The following NEK7 variants were observed in gnomAD, a reference collection of about 807,000 sequenced individuals.
The protein encoded by NEK7 is serine/threonine-protein kinase Nek7.
NEK7 carries 18 observed loss-of-function variants against 44.6 expected under a neutral mutation model. The observed-to-expected ratio is 0.40, with a 90% confidence interval of 0.28 to 0.60. The LOEUF is 0.60. Among genes scored for constraint, NEK7 ranks in the 20% least tolerant of loss-of-function variants. The pLI, the probability that NEK7 is intolerant of heterozygous loss-of-function variation, is 0.38. For synonymous variants in NEK7, 130 were observed against 121.1 expected, an observed-to-expected ratio of 1.07 and a Z score of -0.48; for missense variants, 256 against 366.5, an observed-to-expected ratio of 0.70 and a Z score of 2.46.
intron 9 of NEK7, among the ~76,000 whole-genome samples, chr1:198,305,757 G>A (rs1655006028): frequency 2.0e-5 from 3 of 152,128 alleles, no homozygotes; most frequent in African/African-American, 7.2e-5. Context: ...GAACTCGAGA[G>A]AAAATTTTTT....
At chr1:198,208,815 T>C (rs1177857113) in intron 1 of NEK7, among the ~76,000 whole-genome samples, 2 of 152,124 alleles carry the variant, frequency 1.3e-5, no homozygotes, top group African/African-American at 2.4e-5. Context: ...AACTCTAGAC[T>C]ACAATTTCTG....
chr1:198,246,698 C>T (rs1199523238), intron 2 of NEK7, among the ~76,000 whole-genome samples: 15 of 152,240 alleles, frequency 9.9e-5, no homozygotes, highest in Admixed American at 9.8e-4. Flanking sequence ...TCTCAGCATG[C>T]GGTTGTCACA....
chr1:198,245,012 G>A (rs754709422), intron 2 of NEK7, among the ~76,000 whole-genome samples: 22 of 152,130 alleles, frequency 1.4e-4, no homozygotes, highest in Non-Finnish European at 2.9e-4. Context: ...ATAACAGAAA[G>A]TCAATTAACA....
chr1:198,217,915 G>T (rs1665970571), intron 1 of NEK7, among the ~76,000 whole-genome samples: 1 of 149,438 alleles, frequency 6.7e-6, no homozygotes, highest in Non-Finnish European at 1.5e-5. Context: ...AAGGAGAACT[G>T]CAAAACACTG....
intron 3 of NEK7, among the ~76,000 whole-genome samples, chr1:198,258,653 A>G (rs1006904497): frequency 2.0e-5 from 3 of 152,184 alleles, no homozygotes; most frequent in Non-Finnish European, 1.5e-5. Context: ...CAAAATTTTA[A>G]GATGACAAAA....
chr1:198,225,957 G>C (rs760161175), intron 1 of NEK7, among the ~76,000 whole-genome samples: 2 of 151,890 alleles, frequency 1.3e-5, no homozygotes, highest in African/African-American at 2.4e-5. Flanking sequence ...CTTGACATGC[G>C]TACATGCATT....
At chr1:198,317,883 T>TTTTTA (rs1553258433) in intron 9 of NEK7, among the ~76,000 whole-genome samples, 1 of 42,810 alleles carries the variant, frequency 2.3e-5, no homozygotes, top group East Asian at 7.7e-3. Flanking sequence ...ATTTATTTTT[T>TTTTTA]TTTTTTTTTT....
At chr1:198,226,850 G>A (rs763529694) in intron 1 of NEK7, among the ~76,000 whole-genome samples, 3 of 133,198 alleles carry the variant, frequency 2.3e-5, no homozygotes, top group Non-Finnish European at 4.7e-5. Flanking sequence ...TCTCTGACCT[G>A]CTTTGTCTGA....
chr1:198,216,860 C>G (rs1166167280), intron 1 of NEK7, among the ~76,000 whole-genome samples: 1 of 151,722 alleles, frequency 6.6e-6, no homozygotes, highest in Non-Finnish European at 1.5e-5. Flanking sequence ...TTATCAATTT[C>G]CTCGAAAACG....
intron 1 of NEK7, among the ~76,000 whole-genome samples, chr1:198,206,159 CTG>C (rs1161446987): frequency 3.3e-5 from 5 of 151,936 alleles, no homozygotes; most frequent in Non-Finnish European, 5.9e-5. Flanking sequence ...TAAAAAAAAA[CTG>C]TAACTTTAGT....
intron 2 of NEK7, among the ~76,000 whole-genome samples, chr1:198,252,526 T>C (rs999351121): frequency 1.5e-3 from 26 of 16,900 alleles, no homozygotes; most frequent in African/African-American, 3.9e-3. Flanking sequence ...CTATCTCACA[T>C]ACTATATATA....
chr1:198,262,536 G>A, intron 3 of NEK7, 39 bp from the exon 4 acceptor site: 1 of 1,260,572 alleles, frequency 7.9e-7, no homozygotes, highest in Non-Finnish European at 1.1e-6. Flanking sequence ...TGAACCATAG[G>A]TTATTATTTT....
rs1260582530 is a variant in NEK7 at position 198,319,770 on chromosome 1, C to CT, written c.*249dup. On this transcript the variant is annotated 3_prime_UTR_variant, in exon 10 of 10. Transcript: ENST00000367385. Reference sequence around the variant, plus strand: ...AATGAAACATGATGGTTTTGAATGGCTAAAGGTTTATAGAATTTCTTACAG... The same window carrying CT: ...AATGAAACATGATGGTTTTGAATGGCTTAAAGGTTTATAGAATTTCTTACAG... 1 of 344,392 alleles carries CT rather than the reference C, an allele frequency of 2.9e-6. No individual in the cohort carries two copies. Among genetic ancestry groups the CT allele is most frequent in the Non-Finnish European group, 5.3e-6 (1 of 189,446 alleles). The allele number at this position is 344,392 out of a possible 1,614,324, so 21.3% of individuals were successfully genotyped here.
At position 198,252,386 on chromosome 1, in the gene NEK7, T is replaced by G. The variant is rs926948905; in HGVS notation, c.58-654T>G. Among the ~76,000 whole-genome samples, 83 of 151,620 alleles carry G rather than the reference T, an allele frequency of 5.5e-4. 3 individuals are homozygous for G. The highest frequency in any genetic ancestry group is 1.5e-5 in the Non-Finnish European group (1 of 67,870). ...GTTGGAGAGTTCTGTAGATGTCTAT[T>G]AGGTCTGCTTGGTGCAGAGCTGAGT... is the stretch of plus-strand genomic sequence containing the variant. On this transcript the variant is annotated intron_variant, in intron 2 of 9. Coordinates refer to ENST00000367385, the MANE Select transcript of NEK7 (RefSeq NM_133494.3).
chr1:198,316,811 G>T (rs12138589), intron 9 of NEK7, among the ~76,000 whole-genome samples: 1,962 of 152,304 alleles, frequency 0.013, 21 homozygotes, highest in Middle Eastern at 0.037. Flanking sequence ...AAATGGAAGA[G>T]GGGGCAAAAA....
At chr1:198,200,754 T>C (rs1665406487) in intron 1 of NEK7, among the ~76,000 whole-genome samples, 1 of 152,108 alleles carries the variant, frequency 6.6e-6, no homozygotes, top group Non-Finnish European at 1.5e-5. Flanking sequence ...TTTCACCATA[T>C]TGGCCAGGCT....
At chr1:198,289,990 A>G (rs1654502528) in intron 7 of NEK7, among the ~76,000 whole-genome samples, 1 of 152,224 alleles carries the variant, frequency 6.6e-6, no homozygotes, top group African/African-American at 2.4e-5. Context: ...TTCATATAGA[A>G]TAAAGAAAGG....
intron 5 of NEK7, among the ~76,000 whole-genome samples, chr1:198,275,319 A>G (rs1345649267): frequency 2.0e-5 from 3 of 151,454 alleles, no homozygotes; most frequent in African/African-American, 7.2e-5. Context: ...AAAAGTTGCA[A>G]TTCTATTTCA....
At chr1:198,207,375 C>T (rs532098482) in intron 1 of NEK7, among the ~76,000 whole-genome samples, 4 of 152,120 alleles carry the variant, frequency 2.6e-5, no homozygotes, top group African/African-American at 7.2e-5. Flanking sequence ...TTTACCAGAG[C>T]GTAGAGTGTA....
Sources: allele counts gnomAD v4.1 joint callset (sites outside exome capture counted in the v4.1 genomes callset), GRCh38; gene constraint gnomAD v4.1.1; transcripts MANE v1.5; gene names NCBI Gene and HGNC (gene_info 2026-07-23, HGNC 2026-07-21).